Variants in TTC7A observed in about 807,000 individuals in gnomAD.
TTC7A encodes tetratricopeptide repeat protein 7A.
Under a neutral mutation model 103.7 loss-of-function variants are expected in TTC7A, and 110 were observed. That is an observed-to-expected ratio of 1.06 (90% CI 0.91 to 1.24). The LOEUF is 1.24. Ranked by LOEUF, TTC7A falls within the 50% of genes most tolerant of loss-of-function variation. The pLI, the probability that TTC7A is intolerant of heterozygous loss-of-function variation, is 0.00. For missense variants in TTC7A, 1,340 were observed against 1,116.3 expected, an observed-to-expected ratio of 1.20 and a Z score of -2.86; for synonymous variants, 521 against 467.9, an observed-to-expected ratio of 1.11 and a Z score of -1.47.
intron 1 of TTC7A, 115 bp from the exon 2 acceptor site, chr2:46,950,248 C>T: frequency 9.7e-7 from 1 of 1,035,324 alleles, no homozygotes; most frequent in South Asian, 1.7e-5. Context: ...TTTTCTCAGA[C>T]CTGAGCCATT....
chr2:46,962,069 A>G (rs986703152), intron 3 of TTC7A, among the ~76,000 whole-genome samples: 9 of 152,182 alleles, frequency 5.9e-5, no homozygotes, highest in African/African-American at 2.2e-4. Flanking sequence ...TCTTGAGTAC[A>G]GGTGGTCATT....
Position 47,006,044 on chromosome 2 carries a change from C to T in TTC7A, c.1188C>T (p.Tyr396=), listed in dbSNP as rs749892467. 30 of 1,613,742 alleles carry T rather than the reference C, an allele frequency of 1.9e-5. No individual in the cohort carries two copies. In the East Asian group the frequency reaches 2.5e-4, roughly 13 times the overall value. ...LSITLGRRGQ[Y]VMLSECLERA... ...TCACGTTGGGCAGAAGGGGACAGTA[C>T]GTCATGCTCTCGGAGGTACGGCCGG... Residue 396 remains tyrosine, a synonymous_variant, in exon 9 of 20, where the codon TAC becomes TAT. Coordinates refer to ENST00000319190, the MANE Select transcript of TTC7A (RefSeq NM_020458.4).
intron 14 of TTC7A, among the ~76,000 whole-genome samples, chr2:47,027,157 G>C (rs1412814687): frequency 6.6e-6 from 1 of 152,232 alleles, no homozygotes; most frequent in African/African-American, 2.4e-5. Context: ...CTCAAGCTAA[G>C]GGCACTGCTC....
chr2:46,963,791 G>A (rs745853776), intron 3 of TTC7A, among the ~76,000 whole-genome samples: 19 of 152,140 alleles, frequency 1.2e-4, no homozygotes, highest in Non-Finnish European at 2.4e-4. Flanking sequence ...GGAGTACATG[G>A]TTCTTGCAGT....
At chr2:47,050,342 T>C in intron 17 of TTC7A, 2 of 427,840 alleles carry the variant, frequency 4.7e-6, no homozygotes, top group Non-Finnish European at 4.3e-6. Flanking sequence ...CCCCTTAGGC[T>C]CAAGCCAGAG....
At chr2:46,966,627 G>T (rs1427406496) in intron 3 of TTC7A, among the ~76,000 whole-genome samples, 1 of 150,374 alleles carries the variant, frequency 6.7e-6, no homozygotes, top group African/African-American at 2.4e-5. Context: ...ATACTGAAAT[G>T]GATATCCTTG....
chr2:47,073,408 A>G (rs1381769985), intron 19 of TTC7A, among the ~76,000 whole-genome samples: 1 of 152,150 alleles, frequency 6.6e-6, no homozygotes, highest in East Asian at 1.9e-4. Context: ...GGATCCCCCA[A>G]ACAGTGTGAC....
chr2:46,979,497 C>T lies in TTC7A; in HGVS notation c.764+590C>T, dbSNP rs534720663. On this transcript the variant is annotated intron_variant, in intron 5 of 19. Coordinates refer to ENST00000319190, the MANE Select transcript of TTC7A (RefSeq NM_020458.4). The stretch of plus-strand genomic sequence containing the variant: ...GGGTTGTCTTGAGGTCCCTGGAATA[C>T]TGGCCTATCTGAGACCTAAGAACCA... 6.6e-5 allele frequency among the ~76,000 whole-genome samples: 10 copies of T among 152,308 alleles called. No homozygotes were observed. The South Asian group carries it at 1.2e-3, about 19-fold the overall frequency.
rs1395498148 is a variant in TTC7A at position 46,995,248 on chromosome 2, G to T, written c.1065+49G>T. 4.4e-6 allele frequency: 7 copies of T among 1,600,662 alleles called. 1 individual carries two copies. The South Asian group carries it at 6.7e-5, about 15-fold the overall frequency. On this transcript the variant is annotated intron_variant, in intron 8 of 19. Transcript: ENST00000319190. Reference sequence around the variant, plus strand: ...GGGCCTCTGGCCCTCTGACCCTGTGGGGAAGGGCTGTGGGGCCCAGGTACA... The same window carrying T: ...GGGCCTCTGGCCCTCTGACCCTGTGTGGAAGGGCTGTGGGGCCCAGGTACA...
At chr2:47,072,223 G>C (rs991392742) in intron 19 of TTC7A, among the ~76,000 whole-genome samples, 5 of 152,168 alleles carry the variant, frequency 3.3e-5, no homozygotes, top group Non-Finnish European at 7.3e-5. Flanking sequence ...GACCCTGCCT[G>C]AGGCTCCACC....
chr2:47,015,575 C>G (rs1276871495), intron 11 of TTC7A, among the ~76,000 whole-genome samples: 1 of 152,160 alleles, frequency 6.6e-6, no homozygotes, highest in East Asian at 1.9e-4. Flanking sequence ...CCTCGGTTTC[C>G]TCATCTGTAG....
At chr2:47,009,118 T>C (rs1677745617) in intron 10 of TTC7A, among the ~76,000 whole-genome samples, 1 of 151,088 alleles carries the variant, frequency 6.6e-6, no homozygotes, top group African/African-American at 2.4e-5. Flanking sequence ...TGGAGGGGCC[T>C]TGGGGAGGGA....
intron 18 of TTC7A, among the ~76,000 whole-genome samples, chr2:47,056,247 A>G (rs915338278): frequency 6.6e-6 from 1 of 152,144 alleles, no homozygotes; most frequent in African/African-American, 2.4e-5. Context: ...GGGCATTTAT[A>G]TGCTCTGAGT....
chr2:47,008,863 C>T (rs560769675), intron 10 of TTC7A, among the ~76,000 whole-genome samples: 2 of 150,136 alleles, frequency 1.3e-5, no homozygotes, highest in African/African-American at 2.5e-5. Flanking sequence ...GCTCTCTGTG[C>T]GGCAATTGCA....
intron 3 of TTC7A, among the ~76,000 whole-genome samples, chr2:46,961,892 G>C (rs1672414327): frequency 6.6e-6 from 1 of 152,176 alleles, no homozygotes; most frequent in Non-Finnish European, 1.5e-5. Context: ...TTGGGTGACA[G>C]AACAAGACTC....
At position 47,029,302 on chromosome 2, in the gene TTC7A, C is replaced by G. The variant is rs765010444; in HGVS notation, c.1720C>G (p.Leu574Val). Residue 574 changes from leucine (L) to valine (V), a missense_variant, in exon 15 of 20, where the codon CTG (leucine) becomes GTG (valine). By Grantham distance (32) the Leu-to-Val change is conservative. Coordinates refer to ENST00000319190, the MANE Select transcript of TTC7A (RefSeq NM_020458.4). ...TGCCCACGCCCTCCACCTGCTGGCACTGCTCTTCTCTGCCCAGAAGCACCA... is the reference window on the plus strand; with the variant it reads ...TGCCCACGCCCTCCACCTGCTGGCAGTGCTCTTCTCTGCCCAGAAGCACCA... Reference protein sequence around the residue: ...DDAHALHLLALLFSAQKHHQH... With the variant: ...DDAHALHLLAVLFSAQKHHQH... 2 of 1,614,100 alleles carry G rather than the reference C, an allele frequency of 1.2e-6. No individual in the cohort carries two copies. The highest frequency in any genetic ancestry group is 2.2e-5 in the East Asian group (1 of 44,882).
At chr2:47,010,989 C>T (rs1440861951) in intron 10 of TTC7A, among the ~76,000 whole-genome samples, 6 of 152,174 alleles carry the variant, frequency 3.9e-5, no homozygotes, top group African/African-American at 2.4e-5. Flanking sequence ...CGTGAGCCAC[C>T]GTGCCCAGCC....
chr2:46,975,080 G>T lies in TTC7A; in HGVS notation c.625G>T (p.Val209Leu), dbSNP rs772248002. 1.9e-6 allele frequency: 3 copies of T among 1,613,930 alleles called. No individual in the cohort carries two copies. The South Asian group carries it at 3.3e-5, about 18-fold the overall frequency. Reference protein sequence around the residue: ...CFERASWIAQVFLQELEKTTN... With the variant: ...CFERASWIAQLFLQELEKTTN... ...TGAGAGGGCCTCCTGGATCGCTCAG[G>T]TGTTCCTGCAGGAATTGGAGAAGGT... is the stretch of plus-strand genomic sequence containing the variant. The change falls in exon 4 of 20, where the codon GTG becomes TTG. Residue 209 changes from valine to leucine, a missense_variant. Transcript: ENST00000319190.
chr2:47,019,388 C>T (rs1299861952), intron 11 of TTC7A, among the ~76,000 whole-genome samples: 1 of 151,776 alleles, frequency 6.6e-6, no homozygotes, highest in Admixed American at 6.6e-5. Flanking sequence ...AAAAAAAACA[C>T]ACACAAAAAG....
Sources: allele counts gnomAD v4.1 joint callset (sites outside exome capture counted in the v4.1 genomes callset), GRCh38; gene constraint gnomAD v4.1.1; transcripts MANE v1.5; gene names NCBI Gene and HGNC (gene_info 2026-07-23, HGNC 2026-07-21).